BCKDHA: variants seen among roughly 807,000 people sequenced by gnomAD.
BCKDHA encodes branched chain keto acid dehydrogenase E1 subunit alpha, also known as 2-oxoisovalerate dehydrogenase subunit alpha, mitochondrial.
In BCKDHA, 43 loss-of-function variants were observed where a neutral mutation model predicts 52.2. That is an observed-to-expected ratio of 0.82 (90% CI 0.64 to 1.06). The LOEUF (loss-of-function observed/expected upper bound fraction) is 1.06. Ranked by LOEUF, BCKDHA falls within the 50% of genes least tolerant of loss-of-function variation. The pLI, the probability that BCKDHA is intolerant of heterozygous loss-of-function variation, is 0.00. For synonymous variants in BCKDHA, 234 were observed against 247.9 expected, an observed-to-expected ratio of 0.94 and a Z score of 0.53; for missense variants, 527 against 621.3, an observed-to-expected ratio of 0.85 and a Z score of 1.61.
intron 1 of BCKDHA, among the ~76,000 whole-genome samples, chr19:41,405,521 C>T (rs1344344373): frequency 1.3e-5 from 2 of 152,094 alleles, no homozygotes; most frequent in African/African-American, 2.4e-5. Flanking sequence ...TCAAGCGATC[C>T]TCCCTCCTTG....
chr19:41,424,018 G>T (rs1223337452), intron 8 of BCKDHA, among the ~76,000 whole-genome samples: 1 of 151,976 alleles, frequency 6.6e-6, no homozygotes, highest in African/African-American at 2.4e-5. Flanking sequence ...CTGGTTTGAG[G>T]ATTAGGTGGC....
At position 41,422,282 on chromosome 19, in the gene BCKDHA, A is replaced by G. The variant is rs1305172669; in HGVS notation, c.765A>G (p.Thr255=). 1.9e-6 allele frequency: 3 copies of G among 1,614,184 alleles called. No individual in the cohort carries two copies. Among genetic ancestry groups the G allele is most frequent in the Non-Finnish European group, 1.7e-6 (2 of 1,180,012 alleles). Reference sequence around the variant, plus strand: ...ATGCCGGCTTCAACTTCGCTGCCACACTTGAGTGCCCCATCATCTTCTTCT... The same window carrying G: ...ATGCCGGCTTCAACTTCGCTGCCACGCTTGAGTGCCCCATCATCTTCTTCT... The part of the protein sequence containing the change: ...DAHAGFNFAA[T]LECPIIFFCR... Residue 255 remains threonine, a synonymous_variant, in exon 6 of 9, where the codon ACA becomes ACG. Coordinates refer to ENST00000269980, the MANE Select transcript of BCKDHA (RefSeq NM_000709.4).
At chr19:41,406,473 CT>C (rs1434588670) in intron 1 of BCKDHA, among the ~76,000 whole-genome samples, 5 of 152,214 alleles carry the variant, frequency 3.3e-5, no homozygotes, top group Admixed American at 2.0e-4. Flanking sequence ...TCATGGCTCA[CT>C]GCAGCCTTGA....
intron 3 of BCKDHA, 120 bp from the exon 4 acceptor site, chr19:41,413,929 C>T: frequency 1.2e-6 from 1 of 859,034 alleles, no homozygotes; most frequent in Middle Eastern, 3.2e-4. Context: ...TGGCCCAGGA[C>T]TGGCCTTCAG....
At chr19:41,402,130 G>C (rs148020420) in intron 1 of BCKDHA, among the ~76,000 whole-genome samples, 1 of 152,264 alleles carries the variant, frequency 6.6e-6, no homozygotes, top group East Asian at 1.9e-4. Flanking sequence ...ATCAGATCTC[G>C]TGAGACTTAT....
intron 1 of BCKDHA, among the ~76,000 whole-genome samples, chr19:41,402,074 G>C (rs964595964): frequency 6.6e-6 from 1 of 152,166 alleles, no homozygotes; most frequent in Non-Finnish European, 1.5e-5. Flanking sequence ...CTTACATGGT[G>C]GCAGGCAGAC....
At chr19:41,424,317 C>T in intron 8 of BCKDHA, 121 bp from the exon 9 acceptor site, 2 of 1,086,426 alleles carry the variant, frequency 1.8e-6, no homozygotes, top group African/African-American at 1.5e-5. Context: ...TAATCATTTC[C>T]ATTGTCGAGG....
At chr19:41,422,140 T>A in intron 5 of BCKDHA, 24 bp from the exon 6 acceptor site, 1 of 1,608,000 alleles carries the variant, frequency 6.2e-7, no homozygotes, top group Admixed American at 1.7e-5. Flanking sequence ...CCGCCCCTGC[T>A]CACCACCCTC....
intron 6 of BCKDHA, 44 bp downstream of exon 6, chr19:41,422,414 C>T (rs371903022): frequency 2.2e-5 from 35 of 1,609,108 alleles, no homozygotes; most frequent in Non-Finnish European, 2.8e-5. Flanking sequence ...GGGATCATCT[C>T]CTTCCCTCCC....
chr19:41,424,623 AC>A lies in BCKDHA; in HGVS notation c.*20del, dbSNP rs779437209. 6 of 1,561,374 alleles carry A rather than the reference AC, an allele frequency of 3.8e-6. No individual in the cohort carries two copies. In the African/African-American group the frequency reaches 5.5e-5, roughly 14 times the overall value. ...TCGATAAGTGAGACCTGCTCAGCCC[AC>A]CCCCACCCATCCTCAGCTACCCCGA... On this transcript the variant is annotated 3_prime_UTR_variant, in exon 9 of 9. Coordinates refer to ENST00000269980, the MANE Select transcript of BCKDHA (RefSeq NM_000709.4).
At chr19:41,421,557 G>C (rs939688672) in intron 5 of BCKDHA, among the ~76,000 whole-genome samples, 1 of 151,886 alleles carries the variant, frequency 6.6e-6, no homozygotes, top group African/African-American at 2.4e-5. Context: ...CAGGTGTGGA[G>C]TGAGCGGGTG....
chr19:41,400,365 A>G (rs10420556), intron 1 of BCKDHA: 99,455 of 151,620 alleles, frequency 0.66, 33,703 homozygotes, highest in African/African-American at 0.83. Context: ...TCAGCCTCCC[A>G]AATAGCTGGG....
chr19:41,400,559 A>G (rs1227326506), intron 1 of BCKDHA, among the ~76,000 whole-genome samples: 1 of 148,004 alleles, frequency 6.8e-6, no homozygotes, highest in Non-Finnish European at 1.5e-5. Context: ...TAATTTTTAA[A>G]TCTTTGTAGA....
chr19:41,422,754 G>C lies in BCKDHA; in HGVS notation c.979G>C (p.Glu327Gln). 1 of 1,613,492 alleles carries C rather than the reference G, an allele frequency of 6.2e-7. No individual in the cohort carries two copies. Among genetic ancestry groups the C allele is most frequent in the Non-Finnish European group, 8.5e-7 (1 of 1,180,014 alleles). ...GGCAGAGAACCAGCCCTTCCTCATC[G>C]AGGCCATGACCTACAGGTGCCTGCC... ...AVAENQPFLI[E>Q]AMTYRIGHHS... Residue 327 changes from glutamate (E) to glutamine (Q), a missense_variant, in exon 7 of 9, where the codon GAG (glutamate) becomes CAG (glutamine). Transcript: ENST00000269980.
rs1224071464 is a variant in BCKDHA, at chr19:41,407,837, AG to A, written c.109-2799del. 2.0e-5 allele frequency among the ~76,000 whole-genome samples: 3 copies of A among 152,154 alleles called. No homozygotes were observed. In the East Asian group the frequency reaches 5.8e-4, roughly 29 times the overall value. On this transcript the variant is annotated intron_variant, in intron 1 of 8. Transcript: ENST00000269980. ...CTGACCTCGGAGGAATCCCGGGAGT[AG>A]TGGGAAGAAAAGTTGCAGATGTTTG...
At chr19:41,410,577 G>C in intron 1 of BCKDHA, 60 bp from the exon 2 acceptor site, 4 of 1,600,264 alleles carry the variant, frequency 2.5e-6, no homozygotes, top group Non-Finnish European at 3.4e-6. Flanking sequence ...CCGGGGCTGA[G>C]CCAGCGGAAA....
chr19:41,418,577 A>C, intron 4 of BCKDHA: 1 of 325,148 alleles, frequency 3.1e-6, no homozygotes, highest in South Asian at 2.3e-5. Flanking sequence ...TGTAGCCCAG[A>C]TTGGAGTGCA....
At chr19:41,409,862 G>A (rs183261880) in intron 1 of BCKDHA, among the ~76,000 whole-genome samples, 3 of 145,042 alleles carry the variant, frequency 2.1e-5, no homozygotes, top group African/African-American at 5.2e-5. Context: ...GTGCTATGGC[G>A]CAATCTCGGC....
chr19:41,422,490 C>A, intron 6 of BCKDHA, 120 bp downstream of exon 6: 1 of 1,568,942 alleles, frequency 6.4e-7, no homozygotes, highest in Non-Finnish European at 8.7e-7. Context: ...CCTGTGGCGT[C>A]TGGCACTTGG....
Sources: allele counts gnomAD v4.1 joint callset (sites outside exome capture counted in the v4.1 genomes callset), GRCh38; gene constraint gnomAD v4.1.1; transcripts MANE v1.5; gene names NCBI Gene and HGNC (gene_info 2026-07-23, HGNC 2026-07-21).